PLGRKT: variants seen among roughly 807,000 people sequenced by gnomAD.
The protein encoded by PLGRKT is plasminogen receptor (KT).
In PLGRKT, 22 loss-of-function variants were observed where a neutral mutation model predicts 18.5. The ratio of observed to expected loss-of-function variants is 1.19; its 90% CI spans 0.85 to 1.70. PLGRKT has a LOEUF of 1.70. Ranked by LOEUF, PLGRKT falls within the 40% of genes most tolerant of loss-of-function variation. The pLI is 0.00. For missense variants in PLGRKT, 235 were observed against 174.4 expected, an observed-to-expected ratio of 1.35 and a Z score of -1.96; for synonymous variants, 72 against 52.8, an observed-to-expected ratio of 1.36 and a Z score of -1.58.
chr9:5,373,394 T>C (rs1366923233), intron 3 of PLGRKT, among the ~76,000 whole-genome samples: 1 of 152,202 alleles, frequency 6.6e-6, no homozygotes, highest in Non-Finnish European at 1.5e-5. Flanking sequence ...TTCTGTAAAC[T>C]CAACTTTCTC....
intron 3 of PLGRKT, among the ~76,000 whole-genome samples, chr9:5,378,853 A>G (rs1300708962): frequency 6.6e-6 from 1 of 152,190 alleles, no homozygotes; most frequent in Non-Finnish European, 1.5e-5. Flanking sequence ...TTAAGGATTA[A>G]GCAATTAAAT....
chr9:5,404,524 A>C (rs1818219218), intron 3 of PLGRKT, among the ~76,000 whole-genome samples: 1 of 152,202 alleles, frequency 6.6e-6, no homozygotes. Context: ...TAAAGACAAA[A>C]ACCATATAAT....
intron 3 of PLGRKT, among the ~76,000 whole-genome samples, chr9:5,414,914 A>T (rs1818430279): frequency 6.6e-6 from 1 of 152,360 alleles, no homozygotes. Context: ...CTGGTTTAGA[A>T]AATATACACA....
At chr9:5,391,971 A>G (rs1432323547) in intron 3 of PLGRKT, among the ~76,000 whole-genome samples, 1 of 151,900 alleles carries the variant, frequency 6.6e-6, no homozygotes, top group Non-Finnish European at 1.5e-5. Flanking sequence ...GCAAGGATGC[A>G]CAGAGAGGAG....
chr9:5,377,177 A>G (rs10975083), intron 3 of PLGRKT, among the ~76,000 whole-genome samples: 45,338 of 151,824 alleles, frequency 0.3, 6,866 homozygotes, highest in African/African-American at 0.31. Flanking sequence ...ACAGTGCTGG[A>G]AAGTGCTTAG....
Position 5,418,639 on chromosome 9 carries a change from G to A in PLGRKT, c.81+13258C>T. The A allele has an allele frequency of 1.4e-6, 1 of 699,936 alleles. No homozygotes were observed. The highest frequency in any genetic ancestry group is 2.7e-6 in the Non-Finnish European group (1 of 374,394). 43.4% of individuals were successfully genotyped at this position (699,936 alleles called of 1,614,324 possible). The stretch of plus-strand genomic sequence containing the variant: ...CAGCAGGTGGCGGCTCATATCTCCG[G>A]GCAGCAGCGCGTGCTCCTTGGAGAT... On this transcript the variant is annotated intron_variant, in intron 3 of 5. Coordinates refer to ENST00000223864, the MANE Select transcript of PLGRKT (RefSeq NM_018465.4). The surrounding 1 kb of genome is among the most constrained non-coding windows in gnomAD (Gnocchi z 4.2).
intron 3 of PLGRKT, among the ~76,000 whole-genome samples, chr9:5,428,823 T>A (rs552657762): frequency 6.6e-6 from 1 of 152,296 alleles, no homozygotes; most frequent in East Asian, 1.9e-4. Flanking sequence ...CTCAGCGTCC[T>A]GTGTAGCTGG....
intron 3 of PLGRKT, among the ~76,000 whole-genome samples, chr9:5,369,891 G>C (rs917824903): frequency 7.2e-5 from 11 of 152,036 alleles, no homozygotes; most frequent in Admixed American, 3.9e-4. Flanking sequence ...TGAACAATGA[G>C]AACAAATGGA....
chr9:5,379,606 C>A, intron 3 of PLGRKT, among the ~76,000 whole-genome samples: 1 of 151,866 alleles, frequency 6.6e-6, no homozygotes, highest in East Asian at 1.9e-4. Flanking sequence ...AATCTACAAG[C>A]CAATAAAGTT....
intron 3 of PLGRKT, among the ~76,000 whole-genome samples, chr9:5,398,649 A>T (rs1818098384): frequency 6.6e-6 from 1 of 151,840 alleles, no homozygotes; most frequent in African/African-American, 2.4e-5. Context: ...ATGGGGGTAT[A>T]AAGCCTTTGG....
intron 3 of PLGRKT, among the ~76,000 whole-genome samples, chr9:5,424,471 ATAT>A (rs1023800712): frequency 5.0e-4 from 65 of 131,078 alleles, no homozygotes; most frequent in African/African-American, 1.2e-3. Flanking sequence ...AATATATAAC[ATAT>A]TATAAAATAT....
At chr9:5,412,056 T>A (rs1277374967) in intron 3 of PLGRKT, among the ~76,000 whole-genome samples, 2 of 152,186 alleles carry the variant, frequency 1.3e-5, no homozygotes, top group Non-Finnish European at 2.9e-5. Flanking sequence ...CATTAAACCA[T>A]ACTAAAAAGT....
At chr9:5,390,426 G>C (rs898249279) in intron 3 of PLGRKT, among the ~76,000 whole-genome samples, 11 of 151,626 alleles carry the variant, frequency 7.3e-5, no homozygotes, top group African/African-American at 1.5e-4. Flanking sequence ...CAGGCAGAGA[G>C]AGTCAAAGAG....
At chr9:5,413,519 A>G (rs1180332356) in intron 3 of PLGRKT, among the ~76,000 whole-genome samples, 1 of 152,210 alleles carries the variant, frequency 6.6e-6, no homozygotes, top group Non-Finnish European at 1.5e-5. Context: ...GAGAGTCAGA[A>G]TTAGAGAGAA....
chr9:5,431,832 G>T (rs746156638), intron 3 of PLGRKT, 65 bp downstream of exon 3: 4 of 770,906 alleles, frequency 5.2e-6, no homozygotes, highest in Non-Finnish European at 9.2e-6. Context: ...TGTACGGCTG[G>T]AGTACATGTG....
upstream of PLGRKT, among the ~76,000 whole-genome samples, chr9:5,438,072 C>T (rs1364302487): frequency 1.3e-5 from 2 of 152,182 alleles, no homozygotes; most frequent in Non-Finnish European, 2.9e-5. Flanking sequence ...GACTCAGCTG[C>T]CAGATTTTTG....
intron 3 of PLGRKT, among the ~76,000 whole-genome samples, chr9:5,369,269 C>G (rs1216442871): frequency 6.6e-6 from 1 of 152,016 alleles, no homozygotes; most frequent in African/African-American, 2.4e-5. Flanking sequence ...AAAAAGAACT[C>G]CATCAAAAAG....
chr9:5,384,557 C>T (rs1003998501), intron 3 of PLGRKT, among the ~76,000 whole-genome samples: 4 of 152,088 alleles, frequency 2.6e-5, no homozygotes, highest in African/African-American at 9.7e-5. Context: ...ATCTTCTTTT[C>T]ATATCAATAC....
intron 3 of PLGRKT, among the ~76,000 whole-genome samples, chr9:5,370,882 C>A (rs1320242416): frequency 4.6e-5 from 7 of 152,072 alleles, no homozygotes; most frequent in Non-Finnish European, 2.9e-5. Context: ...GTTCAATGTC[C>A]AGTCTAGGAA....
Sources: gnomAD v4.1 joint callset for allele counts (sites outside exome capture counted in the v4.1 genomes callset) on GRCh38, gnomAD v4.1.1 for gene constraint, Gnocchi (gnomAD v3.1) non-coding constraint, MANE v1.5 for transcripts, NCBI Gene and HGNC (gene_info 2026-07-23, HGNC 2026-07-21) for gene names.